LARP6: variants seen among roughly 807,000 people sequenced by gnomAD.
The protein encoded by LARP6 is la-related protein 6.
A neutral mutation model predicts 32.8 loss-of-function variants in LARP6; 18 were observed. That is an observed-to-expected ratio of 0.55 (90% CI 0.38 to 0.81). The LOEUF (loss-of-function observed/expected upper bound fraction) is 0.81, where lower values mean the gene tolerates loss of function less well. Among genes scored for constraint, LARP6 ranks in the 40% least tolerant of loss-of-function variants. The probability of loss-of-function intolerance (pLI) is 0.00; values close to 1 mark genes in which losing one functional copy is unlikely to be tolerated. For missense variants in LARP6, 598 were observed against 663.1 expected (o/e 0.90, Z 1.08); for synonymous variants, 289 against 267.2 (o/e 1.08, Z -0.80).
intron 1 of LARP6, among the ~76,000 whole-genome samples, chr15:70,840,433 A>G (rs1295225263): frequency 6.6e-6 from 1 of 152,064 alleles, no homozygotes; most frequent in East Asian, 1.9e-4. Flanking sequence ...CCAGCTACTC[A>G]GGAGGCTGAG....
rs1375765159 is a variant in LARP6, at chr15:70,829,785, A to C, written c.*2267T>G. ...AATGTCACACAGGGCAATACGACCAAAGGAAGGCCAAGTTCATCTGTATTC... is the reference window on the plus strand; with the variant it reads ...AATGTCACACAGGGCAATACGACCACAGGAAGGCCAAGTTCATCTGTATTC... On this transcript the variant is annotated 3_prime_UTR_variant, in exon 3 of 3. Transcript: ENST00000299213. 1 of 151,980 alleles carries C rather than the reference A, an allele frequency of 6.6e-6. No individual in the cohort carries two copies. 9.4% of individuals were successfully genotyped at this position (151,980 alleles called of 1,614,324 possible). A position where few individuals can be genotyped will look rare whatever the true frequency, so the allele number is the denominator to read the frequency against.
In LARP6 at chr15:70,830,219, C is replaced by T. The variant is rs550133570; in HGVS notation, c.*1833G>A. The T allele has an allele frequency of 1.8e-4, 28 of 152,366 alleles. No individual in the cohort carries two copies. Among genetic ancestry groups the T allele is most frequent in the Middle Eastern group, 3.4e-3 (1 of 294 alleles). 9.4% of individuals were successfully genotyped at this position (152,366 alleles called of 1,614,324 possible). A position where few individuals can be genotyped will look rare whatever the true frequency, so the allele number is the denominator to read the frequency against. ...TTCTGCATCTTAAGGGACAAAGCATCTTACTATCCAGATCACAATCACCTG... is the reference window on the plus strand; with the variant it reads ...TTCTGCATCTTAAGGGACAAAGCATTTTACTATCCAGATCACAATCACCTG... On this transcript the variant is annotated 3_prime_UTR_variant, in exon 3 of 3. Transcript: ENST00000299213.
chr15:70,832,065 C>T lies in LARP6; in HGVS notation c.1463G>A (p.Arg488Lys). 1 of 1,521,372 alleles carries T rather than the reference C, an allele frequency of 6.6e-7. No individual in the cohort carries two copies. Among genetic ancestry groups the T allele is most frequent in the Non-Finnish European group, 8.8e-7 (1 of 1,135,244 alleles). The allele number at this position is 1,521,372 out of a possible 1,614,324, so 94.2% of individuals were successfully genotyped here. Residue 488 changes from arginine (R) to lysine (K), a missense_variant, in exon 3 of 3, where the codon AGG becomes AAG. Transcript: ENST00000299213. ...TRGFHGHERS[R>K]ACV is the part of the protein sequence containing the mutation. ...AATAGAAGGTATTTATACACAGGCC[C>T]TGCTCCTCTCATGGCCATGAAATCC...
At chr15:70,841,945 T>C (rs992349209) in intron 1 of LARP6, among the ~76,000 whole-genome samples, 4 of 152,164 alleles carry the variant, frequency 2.6e-5, no homozygotes, top group African/African-American at 9.7e-5. Context: ...TCTGACACTA[T>C]TGACCACCTT....
Position 70,830,442 on chromosome 15 carries a change from C to T in LARP6, c.*1610G>A, listed in dbSNP as rs1424323332. 3 of 152,166 alleles carry T rather than the reference C, an allele frequency of 2.0e-5. No homozygotes were observed. Among genetic ancestry groups the T allele is most frequent in the African/African-American group, 7.2e-5 (3 of 41,430 alleles). 9.4% of individuals were successfully genotyped at this position (152,166 alleles called of 1,614,324 possible). On this transcript the variant is annotated 3_prime_UTR_variant, in exon 3 of 3. Coordinates refer to ENST00000299213, the MANE Select transcript of LARP6 (RefSeq NM_018357.4). ...GAAGGTGCTGAATAAATATTAGCAC[C>T]TTTTATGGTGGATTCTTTTTTGAAT...
Position 70,832,566 on chromosome 15 carries a change from T to C in LARP6, c.962A>G (p.Asn321Ser), listed in dbSNP as rs755298041. ...GTACTGAAGCTCCTCGACTCTCTTG[T>C]TCAGGGACTTGTTCAGGTGGATGCT... ...TASIHLNKSL[N>S]KRVEELQYMG... Residue 321 changes from asparagine to serine, a missense_variant, in exon 3 of 3, where the codon AAC (asparagine) becomes AGC (serine). Asn to Ser is a conservative substitution (Grantham distance 46). Around this residue, in one of 3 missense-constraint regions of LARP6, gnomAD observed 368 missense variants for 397.9 expected, o/e 0.92. Coordinates refer to ENST00000299213, the MANE Select transcript of LARP6 (RefSeq NM_018357.4). 3 of 1,573,652 alleles carry C rather than the reference T, an allele frequency of 1.9e-6. No homozygotes were observed. The highest frequency in any genetic ancestry group is 2.4e-5 in the South Asian group (2 of 81,944).
intron 1 of LARP6, among the ~76,000 whole-genome samples, chr15:70,838,912 C>CACAAAAAAAAAA (rs10634375): frequency 5.3e-4 from 54 of 102,616 alleles, no homozygotes; most frequent in African/African-American, 1.4e-3. Context: ...CTCAGCCTCA[C>CACAAAAAAAAAA]AAAAAAAAAA....
chr15:70,853,745 C>T, intron 1 of LARP6, 144 bp downstream of exon 1: 1 of 557,720 alleles, frequency 1.8e-6, no homozygotes, highest in Non-Finnish European at 2.6e-6. Flanking sequence ...GACTCAGGGG[C>T]TCGGCCCGGA....
intron 1 of LARP6, among the ~76,000 whole-genome samples, chr15:70,842,536 T>A (rs1461673574): frequency 6.6e-6 from 1 of 152,166 alleles, no homozygotes; most frequent in Non-Finnish European, 1.5e-5. Context: ...ATGCCAGACA[T>A]TTCCACTAGG....
intron 1 of LARP6, among the ~76,000 whole-genome samples, chr15:70,846,371 G>A (rs948442512): frequency 6.6e-6 from 1 of 152,228 alleles, no homozygotes; most frequent in Non-Finnish European, 1.5e-5. Context: ...CACTTTGGGA[G>A]GCCAAGGCCG....
At chr15:70,853,808 C>A in intron 1 of LARP6, 81 bp downstream of exon 1, 1 of 1,044,412 alleles carries the variant, frequency 9.6e-7, no homozygotes, top group Non-Finnish European at 1.2e-6. Flanking sequence ...GAGGAGTTGT[C>A]GCGCGCAGTC....
chr15:70,845,234 C>G (rs916055058), intron 1 of LARP6, among the ~76,000 whole-genome samples: 1 of 152,094 alleles, frequency 6.6e-6, no homozygotes, highest in Admixed American at 6.5e-5. Flanking sequence ...CCTATTGTCC[C>G]TTTTTCCGTT....
intron 1 of LARP6, among the ~76,000 whole-genome samples, chr15:70,845,233 C>T (rs991630020): frequency 1.3e-5 from 2 of 152,042 alleles, no homozygotes; most frequent in African/African-American, 4.8e-5. Flanking sequence ...GCCTATTGTC[C>T]CTTTTTCCGT....
intron 1 of LARP6, among the ~76,000 whole-genome samples, chr15:70,844,921 G>A (rs1043822107): frequency 6.6e-6 from 1 of 152,050 alleles, no homozygotes; most frequent in African/African-American, 2.4e-5. Context: ...ATCCTTTGGG[G>A]TCAGTTCTTC....
chr15:70,839,190 G>A (rs761371526), intron 1 of LARP6, among the ~76,000 whole-genome samples: 11 of 152,168 alleles, frequency 7.2e-5, no homozygotes, highest in Non-Finnish European at 1.0e-4. Context: ...CTATAACCCA[G>A]CACTTTGGGA....
chr15:70,853,485 C>G (rs2032542513), intron 1 of LARP6: 1 of 158,682 alleles, frequency 6.3e-6, no homozygotes, highest in Non-Finnish European at 1.4e-5. Context: ...CGGGACCACT[C>G]GCAAGGGGAG....
At chr15:70,852,779 G>T (rs1347753263) in intron 1 of LARP6, among the ~76,000 whole-genome samples, 2 of 152,130 alleles carry the variant, frequency 1.3e-5, no homozygotes, top group Non-Finnish European at 2.9e-5. Flanking sequence ...TGTCTCTACT[G>T]GTCTGCCCCG....
At chr15:70,837,838 G>T (rs2032176650) in intron 1 of LARP6, among the ~76,000 whole-genome samples, 1 of 152,178 alleles carries the variant, frequency 6.6e-6, no homozygotes. Context: ...CCAAATGCTT[G>T]GTTCAGACTG....
intron 1 of LARP6, among the ~76,000 whole-genome samples, chr15:70,838,865 CAT>C (rs1323633289): frequency 7.3e-6 from 1 of 137,604 alleles, no homozygotes; most frequent in Non-Finnish European, 1.5e-5. Context: ...GGAAAAGACA[CAT>C]ACATATATGT....
Sources: allele counts gnomAD v4.1 joint callset (sites outside exome capture counted in the v4.1 genomes callset), GRCh38; gene constraint gnomAD v4.1.1; regional missense constraint gnomAD v4.1.1; transcripts MANE v1.5; gene names NCBI Gene and HGNC (gene_info 2026-07-23, HGNC 2026-07-21).